Variants in PCSK2 observed in about 807,000 individuals in gnomAD.
The protein encoded by PCSK2 is neuroendocrine convertase 2.
In PCSK2, 14 loss-of-function variants were observed where a neutral mutation model predicts 69.7. That is an observed-to-expected ratio of 0.20 (90% confidence interval 0.13 to 0.31). PCSK2 has a LOEUF of 0.31. Ranked by LOEUF, PCSK2 falls within the 10% of genes least tolerant of loss-of-function variation. The pLI, the probability that PCSK2 is intolerant of heterozygous loss-of-function variation, is 1.00. For synonymous variants in PCSK2, 307 were observed against 320.7 expected (o/e 0.96, Z 0.46); for missense variants, 544 against 842.5 (o/e 0.65, Z 4.39).
intron 11 of PCSK2, among the ~76,000 whole-genome samples, chr20:17,467,862 C>A (rs1013485613): frequency 3.3e-5 from 5 of 152,218 alleles, no homozygotes; most frequent in African/African-American, 1.2e-4. Flanking sequence ...GATGTGAACA[C>A]TTCTAGCTTA....
chr20:17,283,944 C>T (rs1040479429), intron 2 of PCSK2, among the ~76,000 whole-genome samples: 1 of 152,174 alleles, frequency 6.6e-6, no homozygotes, highest in Admixed American at 6.5e-5. Flanking sequence ...TTTGTCATTG[C>T]AGGAGCCATG....
At chr20:17,336,050 A>C (rs6131939) in intron 2 of PCSK2, among the ~76,000 whole-genome samples, 92,109 of 151,714 alleles carry the variant, frequency 0.61, 29,113 homozygotes, top group East Asian at 0.97. Context: ...AGAGAGGAAC[A>C]CAGGTTCTAC....
chr20:17,418,443 T>TG (rs1370216910), intron 6 of PCSK2, among the ~76,000 whole-genome samples: 1 of 151,554 alleles, frequency 6.6e-6, no homozygotes, highest in African/African-American at 2.4e-5. Flanking sequence ...GTTCAGGAGG[T>TG]GGTCTGGATA....
At chr20:17,341,837 A>G (rs1016025140) in intron 2 of PCSK2, among the ~76,000 whole-genome samples, 2 of 147,392 alleles carry the variant, frequency 1.4e-5, no homozygotes, top group African/African-American at 2.5e-5. Context: ...AGAAAAATCT[A>G]TCTCCACAAC....
chr20:17,391,944 G>GGAAGGAAGGAAGGAAT (rs1309400584), intron 5 of PCSK2, among the ~76,000 whole-genome samples: 2 of 147,084 alleles, frequency 1.4e-5, no homozygotes, highest in Non-Finnish European at 3.0e-5. Context: ...AAGGAAGGAA[G>GGAAGGAAGGAAGGAAT]GAAGGGGAAG....
chr20:17,296,540 A>T (rs1363634671), intron 2 of PCSK2, among the ~76,000 whole-genome samples: 1 of 152,050 alleles, frequency 6.6e-6, no homozygotes, highest in African/African-American at 2.4e-5. Context: ...TGGCCTGTCA[A>T]ACTCAGCCTT....
intron 2 of PCSK2, among the ~76,000 whole-genome samples, chr20:17,339,978 A>G (rs1374594814): frequency 6.6e-6 from 1 of 152,056 alleles, no homozygotes; most frequent in Admixed American, 6.5e-5. Flanking sequence ...CATGCAACCC[A>G]CCCCTGCCTG....
chr20:17,236,382 T>A (rs994898004), intron 1 of PCSK2, among the ~76,000 whole-genome samples: 1 of 152,172 alleles, frequency 6.6e-6, no homozygotes, highest in Non-Finnish European at 1.5e-5. Flanking sequence ...TATACATACA[T>A]GGTAGATAGG....
chr20:17,386,413 T>A (rs1056037481), intron 5 of PCSK2, among the ~76,000 whole-genome samples: 1 of 152,154 alleles, frequency 6.6e-6, no homozygotes, highest in Non-Finnish European at 1.5e-5. Flanking sequence ...TATTCAGCCT[T>A]TTTATCACCT....
chr20:17,311,117 TA>T (rs1190801147), intron 2 of PCSK2, among the ~76,000 whole-genome samples: 16 of 152,124 alleles, frequency 1.1e-4, no homozygotes, highest in African/African-American at 3.6e-4. Context: ...TTGAGCCCAT[TA>T]AACATAGAGC....
At chr20:17,319,325 C>T (rs6131937) in intron 2 of PCSK2, among the ~76,000 whole-genome samples, 19,487 of 152,190 alleles carry the variant, frequency 0.13, 1,968 homozygotes, top group East Asian at 0.55. Flanking sequence ...TTCCGCTAGG[C>T]GGATCTTCTG....
At chr20:17,457,415 G>A (rs2032941982) in intron 10 of PCSK2, among the ~76,000 whole-genome samples, 1 of 152,128 alleles carries the variant, frequency 6.6e-6, no homozygotes, top group Non-Finnish European at 1.5e-5. Context: ...ATAGAAAGGG[G>A]CTTCAACAGA....
chr20:17,413,410 C>A (rs1276379708), intron 6 of PCSK2, among the ~76,000 whole-genome samples: 1 of 151,978 alleles, frequency 6.6e-6, no homozygotes, highest in African/African-American at 2.4e-5. Flanking sequence ...AGACTTTAAA[C>A]CAACAAAGAT....
At chr20:17,429,017 A>G (rs2032308110) in intron 6 of PCSK2, among the ~76,000 whole-genome samples, 2 of 148,654 alleles carry the variant, frequency 1.3e-5, no homozygotes, top group East Asian at 1.9e-4. Context: ...AAAAAAAAAA[A>G]AAAAAAAAAA....
intron 4 of PCSK2, among the ~76,000 whole-genome samples, chr20:17,366,025 T>C (rs557639536): frequency 2.4e-3 from 362 of 152,254 alleles, no homozygotes; most frequent in Non-Finnish European, 4.5e-3. Context: ...CCCCCACAGC[T>C]CCACTGGGCT....
intron 5 of PCSK2, among the ~76,000 whole-genome samples, chr20:17,407,272 G>A (rs2123299363): frequency 6.6e-6 from 1 of 152,270 alleles, no homozygotes; most frequent in Non-Finnish European, 1.5e-5. Context: ...CACCTCAGAA[G>A]GAAGAGGCAG....
chr20:17,356,104 TAC>T (rs1476215989), intron 2 of PCSK2, among the ~76,000 whole-genome samples: 1 of 152,134 alleles, frequency 6.6e-6, no homozygotes, highest in East Asian at 1.9e-4. Context: ...TATACACACA[TAC>T]ACATATATAT....
intron 1 of PCSK2, among the ~76,000 whole-genome samples, chr20:17,228,678 T>G (rs1322627184): frequency 6.6e-6 from 1 of 152,126 alleles, no homozygotes; most frequent in Non-Finnish European, 1.5e-5. Flanking sequence ...AAGCTCTTAT[T>G]AGTCTCTTCT....
At chr20:17,330,481 C>G (rs1216257899) in intron 2 of PCSK2, among the ~76,000 whole-genome samples, 7 of 152,144 alleles carry the variant, frequency 4.6e-5, no homozygotes, top group African/African-American at 1.4e-4. Context: ...TTAATCCCAG[C>G]TACTCAGGAG....
Sources: gnomAD v4.1 joint callset for allele counts (sites outside exome capture counted in the v4.1 genomes callset) on GRCh38, gnomAD v4.1.1 for gene constraint, MANE v1.5 for transcripts, NCBI Gene and HGNC (gene_info 2026-07-23, HGNC 2026-07-21) for gene names.